The following DIAPH3 variants were observed in gnomAD, a reference collection of about 807,000 sequenced individuals.
The protein encoded by DIAPH3 is protein diaphanous homolog 3.
In DIAPH3, 117 loss-of-function variants were observed where a neutral mutation model predicts 144.3. The ratio of observed to expected loss-of-function variants is 0.81; its 90% CI spans 0.70 to 0.95. The LOEUF (loss-of-function observed/expected upper bound fraction) is 0.95, where lower values mean the gene tolerates loss of function less well. DIAPH3 is among the 40% of genes least tolerant of loss of function. DIAPH3 has a pLI of 0.00. For synonymous variants in DIAPH3, 519 were observed against 488.9 expected (o/e 1.06, Z -0.81); for missense variants, 1,421 against 1,412.7 (o/e 1.01, Z -0.09).
At chr13:59,978,263 T>C (rs977151153) in intron 14 of DIAPH3, among the ~76,000 whole-genome samples, 2 of 151,784 alleles carry the variant, frequency 1.3e-5, no homozygotes, top group African/African-American at 2.4e-5. Flanking sequence ...TCTTCCTTTA[T>C]ATGTTGAATG....
chr13:59,776,094 A>G lies in DIAPH3; in HGVS notation c.3164-1271T>C, dbSNP rs561885966. ...GCTACATTTAAAATAATGGAAAGCT[A>G]TTTTCCTTCGAACTTTTATTTTTTC... On this transcript the variant is annotated intron_variant, in intron 25 of 27. Transcript: ENST00000400324. Among the ~76,000 whole-genome samples the G allele has an allele frequency of 1.2e-4, 19 of 152,298 alleles. No homozygotes were observed. The South Asian group carries it at 3.9e-3, about 32-fold the overall frequency.
At chr13:60,142,922 T>TC (rs2059461209) in intron 1 of DIAPH3, among the ~76,000 whole-genome samples, 1 of 147,830 alleles carries the variant, frequency 6.8e-6, no homozygotes, top group African/African-American at 2.5e-5. Flanking sequence ...ATTTTTTTTT[T>TC]CTTTTTTTTT....
intron 27 of DIAPH3, among the ~76,000 whole-genome samples, chr13:59,752,420 A>G (rs185053689): frequency 1.3e-5 from 2 of 148,236 alleles, no homozygotes; most frequent in Admixed American, 1.4e-4. Context: ...TAGGCTGGAG[A>G]GCAGTGGTAC....
chr13:60,008,771 C>T, intron 8 of DIAPH3, 122 bp from the exon 9 acceptor site: 1 of 723,850 alleles, frequency 1.4e-6, no homozygotes, highest in East Asian at 2.5e-5. Context: ...AAGTAGATTA[C>T]TGAGTACATA....
At chr13:59,702,013 T>C (rs2034137358) in intron 27 of DIAPH3, among the ~76,000 whole-genome samples, 1 of 152,260 alleles carries the variant, frequency 6.6e-6, no homozygotes, top group Non-Finnish European at 1.5e-5. Flanking sequence ...AACCTATTCC[T>C]TAAACTTCTC....
rs1482879163 is a variant in DIAPH3 at position 60,136,707 on chromosome 13, G to A, written c.181-3718C>T. ...TCCCAGCACTTTGGGAGGCAGAGGC[G>A]GGCGGATCACGAGGTCAGGAGATCG... On this transcript the variant is annotated intron_variant, in intron 1 of 27. Transcript: ENST00000400324. Among the ~76,000 whole-genome samples, 4 of 152,052 alleles carry A rather than the reference G, an allele frequency of 2.6e-5. No individual in the cohort carries two copies. In the East Asian group the frequency reaches 5.8e-4, roughly 22 times the overall value.
chr13:60,035,002 C>G (rs148825706), intron 5 of DIAPH3, among the ~76,000 whole-genome samples: 1 of 151,704 alleles, frequency 6.6e-6, no homozygotes, highest in African/African-American at 2.4e-5. Context: ...ATTTAAACAG[C>G]TATATTTTAA....
chr13:60,064,095 A>G (rs2056871177), intron 4 of DIAPH3, among the ~76,000 whole-genome samples: 1 of 152,164 alleles, frequency 6.6e-6, no homozygotes, highest in Non-Finnish European at 1.5e-5. Context: ...AAACAGATGC[A>G]CTGCCATCCA....
At chr13:59,685,869 T>C (rs966657979) in intron 27 of DIAPH3, among the ~76,000 whole-genome samples, 1 of 152,132 alleles carries the variant, frequency 6.6e-6, no homozygotes, top group Non-Finnish European at 1.5e-5. Context: ...CTTGTTTTCA[T>C]GTGGAAGATA....
chr13:60,023,800 T>C (rs2054190203), intron 5 of DIAPH3, among the ~76,000 whole-genome samples: 2 of 151,288 alleles, frequency 1.3e-5, no homozygotes, highest in African/African-American at 4.9e-5. Flanking sequence ...CTGTTTGTGA[T>C]TCAGTTTAGG....
At chr13:60,148,059 G>A (rs1178579746) in intron 1 of DIAPH3, among the ~76,000 whole-genome samples, 1 of 152,102 alleles carries the variant, frequency 6.6e-6, no homozygotes, top group Non-Finnish European at 1.5e-5. Context: ...GCATAATCAA[G>A]GTTACTGGAT....
At chr13:59,813,278 C>T (rs965754762) in intron 24 of DIAPH3, among the ~76,000 whole-genome samples, 1 of 151,944 alleles carries the variant, frequency 6.6e-6, no homozygotes, top group African/African-American at 2.4e-5. Context: ...AAACTCTTCA[C>T]AGTTCTTGAC....
intron 27 of DIAPH3, among the ~76,000 whole-genome samples, chr13:59,752,096 T>C (rs1488698429): frequency 6.6e-6 from 1 of 152,228 alleles, no homozygotes; most frequent in Non-Finnish European, 1.5e-5. Flanking sequence ...CCAATATCCT[T>C]GTTAGTATAG....
At chr13:59,936,280 T>C (rs1360254112) in intron 17 of DIAPH3, among the ~76,000 whole-genome samples, 1 of 152,168 alleles carries the variant, frequency 6.6e-6, no homozygotes, top group East Asian at 1.9e-4. Flanking sequence ...AATCAAAATA[T>C]TTCATAAAAA....
intron 4 of DIAPH3, among the ~76,000 whole-genome samples, chr13:60,072,125 G>A (rs990846391): frequency 2.6e-5 from 4 of 152,086 alleles, no homozygotes; most frequent in Admixed American, 2.6e-4. Context: ...TCTTACAAAT[G>A]ACCATCAGGA....
At chr13:59,960,608 G>A (rs528287704) in intron 17 of DIAPH3, among the ~76,000 whole-genome samples, 1 of 151,954 alleles carries the variant, frequency 6.6e-6, no homozygotes, top group Non-Finnish European at 1.5e-5. Context: ...TAATTATATT[G>A]AGCCATCTCT....
chr13:59,983,787 C>T lies in DIAPH3; in HGVS notation c.1462G>A (p.Asp488Asn), dbSNP rs1475902760. The change falls in exon 13 of 28, where the codon GAT (aspartate) becomes AAT (asparagine). Residue 488 changes from aspartate (D) to asparagine (N), a missense_variant. By Grantham distance (23) the Asp-to-Asn change is conservative. Coordinates refer to ENST00000400324, the MANE Select transcript of DIAPH3 (RefSeq NM_001042517.2). ...DFTYRKRLDL[D>N]LTQFVDICID... ...TACTCACCTACAAACTGGGTTAAAT[C>T]TAAATCTAGTCTTTTTCGATATGTG... 6.2e-7 allele frequency: 1 copy of T among 1,604,322 alleles called. No individual in the cohort carries two copies. The highest frequency in any genetic ancestry group is 8.5e-7 in the Non-Finnish European group (1 of 1,172,406).
intron 17 of DIAPH3, among the ~76,000 whole-genome samples, chr13:59,940,508 G>A (rs2048475592): frequency 6.6e-6 from 1 of 152,160 alleles, no homozygotes; most frequent in African/African-American, 2.4e-5. Flanking sequence ...TCTGGCTCAT[G>A]TCAAAATTTC....
intron 21 of DIAPH3, among the ~76,000 whole-genome samples, chr13:59,876,620 T>C (rs547445749): frequency 6.6e-6 from 1 of 152,314 alleles, no homozygotes; most frequent in African/African-American, 2.4e-5. Context: ...ATTGAGTACT[T>C]ACTATATACC....
Sources: gnomAD v4.1 joint callset for allele counts (sites outside exome capture counted in the v4.1 genomes callset) on GRCh38, gnomAD v4.1.1 for gene constraint, MANE v1.5 for transcripts, NCBI Gene and HGNC (gene_info 2026-07-23, HGNC 2026-07-21) for gene names.